The following FGFR2 variants were observed in gnomAD, a reference collection of about 807,000 sequenced individuals.
FGFR2 encodes the protein fibroblast growth factor receptor 2.
FGFR2 carries 19 observed loss-of-function variants against 95.9 expected under a neutral mutation model. The ratio of observed to expected loss-of-function variants is 0.20; its 90% CI spans 0.14 to 0.29. The LOEUF (loss-of-function observed/expected upper bound fraction) is 0.29. FGFR2 is among the 10% of genes least tolerant of loss of function. The pLI, the probability that FGFR2 is intolerant of heterozygous loss-of-function variation, is 1.00. For missense variants in FGFR2, 707 were observed against 1,056.9 expected (o/e 0.67, Z 4.59); for synonymous variants, 392 against 393.3 (o/e 1.00, Z 0.04).
In FGFR2 at chr10:121,565,461, C is replaced by A. The variant is rs139263005; in HGVS notation, c.353G>T (p.Trp118Leu). The A allele has an allele frequency of 1.9e-6, 3 of 1,614,068 alleles. No homozygotes were observed. The African/African-American group carries it at 4.0e-5, about 22-fold the overall frequency. ...ACCTGTGACATTCACCATGAAGTAC[C>A]AAGTTTCACTGTCTACAGTCCTACT... The part of the protein sequence containing the change: ...TASRTVDSET[W>L]YFMVNVTDAI... The change falls in exon 3 of 18, where the codon TGG (tryptophan) becomes TTG (leucine). Residue 118 changes from tryptophan (W) to leucine (L), a missense_variant. This residue lies in a region of FGFR2 where 178 missense variants were observed against 194.1 expected (regional missense o/e 0.92). Coordinates refer to ENST00000358487, the MANE Select transcript of FGFR2 (RefSeq NM_000141.5).
intron 2 of FGFR2, among the ~76,000 whole-genome samples, chr10:121,579,451 C>A (rs1015156628): frequency 6.6e-6 from 1 of 152,166 alleles, no homozygotes; most frequent in African/African-American, 2.4e-5. Context: ...ACAAATAGGT[C>A]TCATCACATA....
chr10:121,562,549 G>A (rs1450449221), intron 4 of FGFR2, among the ~76,000 whole-genome samples: 1 of 152,172 alleles, frequency 6.6e-6, no homozygotes, highest in Non-Finnish European at 1.5e-5. Flanking sequence ...GCCTCACAAA[G>A]TGCTAGGATT....
At chr10:121,521,549 A>G (rs981637019) in intron 6 of FGFR2, among the ~76,000 whole-genome samples, 1 of 147,442 alleles carries the variant, frequency 6.8e-6, no homozygotes, top group East Asian at 2.0e-4. Context: ...AAGTTTCTCA[A>G]TGTCACTAAT....
intron 2 of FGFR2, among the ~76,000 whole-genome samples, chr10:121,571,212 A>G (rs7905335): frequency 0.036 from 5,199 of 145,328 alleles, 202 homozygotes; most frequent in African/African-American, 0.1. Flanking sequence ...GGCCAGGATG[A>G]TCTTGATCTC....
chr10:121,571,597 G>A (rs555461972), intron 2 of FGFR2, among the ~76,000 whole-genome samples: 3 of 151,104 alleles, frequency 2.0e-5, no homozygotes, highest in Admixed American at 1.3e-4. Flanking sequence ...GGTAGCCACC[G>A]CACCTGGCCA....
chr10:121,529,855 G>A (rs570168822), intron 6 of FGFR2, among the ~76,000 whole-genome samples: 26 of 152,300 alleles, frequency 1.7e-4, no homozygotes, highest in African/African-American at 3.8e-4. Context: ...CTGCGTGAGC[G>A]TGCCACGTGC....
Position 121,496,649 on chromosome 10 carries a change from G to A in FGFR2, c.1746C>T (p.Pro582=), listed in dbSNP as rs369850306. 5.7e-5 allele frequency: 92 copies of A among 1,612,434 alleles called. 1 individual carries two copies. The highest frequency in any genetic ancestry group is 5.4e-4 in the South Asian group (49 of 90,978). ...TAATGTCATAGGAGTACTCCATCCC[G>A]GGTGGCCTCCGGGCTCGGAGGTATT... The part of the protein sequence containing the change: ...LREYLRARRP[P]GMEYSYDINR... The change falls in exon 13 of 18, where the codon CCC becomes CCT. Residue 582 remains proline, a synonymous_variant. Transcript: ENST00000358487.
At chr10:121,590,845 A>C (rs537671248) in intron 2 of FGFR2, among the ~76,000 whole-genome samples, 1 of 152,366 alleles carries the variant, frequency 6.6e-6, no homozygotes, top group South Asian at 2.1e-4. Context: ...CAAATAAATT[A>C]GCAAACCAAA....
Position 121,565,577 on chromosome 10 carries a change from C to T in FGFR2, c.237G>A (p.Leu79=). ...VISWTKDGVH[L]GPNNRTVLIG... Reference sequence around the variant, plus strand: ...TAAGCACTGTCCTATTGTTGGGCCCCAAGTGCACCCCATCCTTAGTCCAAC... The same window carrying T: ...TAAGCACTGTCCTATTGTTGGGCCCTAAGTGCACCCCATCCTTAGTCCAAC... Residue 79 remains leucine (L), a synonymous_variant, in exon 3 of 18, where the codon TTG becomes TTA. Transcript: ENST00000358487. The T allele has an allele frequency of 1.2e-6, 2 of 1,614,178 alleles. No individual in the cohort carries two copies. Among genetic ancestry groups the T allele is most frequent in the Non-Finnish European group, 1.7e-6 (2 of 1,180,038 alleles).
rs370273049 is a variant in FGFR2, at chr10:121,500,877, C to T, written c.1510G>A (p.Asp504Asn). Reference sequence around the variant, plus strand: ...ACCGCCTCCTTGGGCTTGTCTTTGTCAATTCCCACTGCTTCCGCCATGACC... The same window carrying T: ...ACCGCCTCCTTGGGCTTGTCTTTGTTAATTCCCACTGCTTCCGCCATGACC... Reference protein sequence around the residue: ...QVVMAEAVGIDKDKPKEAVTV... With the variant: ...QVVMAEAVGINKDKPKEAVTV... The change falls in exon 11 of 18, where the codon GAC becomes AAC. Residue 504 changes from aspartate to asparagine, a missense_variant. Physicochemically the swap from Asp to Asn is conservative, Grantham distance 23 (BLOSUM62 1). Around this residue, in one of 7 missense-constraint regions of FGFR2, gnomAD observed 194 missense variants for 267.3 expected, o/e 0.73. Coordinates refer to ENST00000358487, the MANE Select transcript of FGFR2 (RefSeq NM_000141.5). 16 of 1,614,232 alleles carry T rather than the reference C, an allele frequency of 9.9e-6. 1 individual carries two copies. In the South Asian group the frequency reaches 1.8e-4, roughly 18 times the overall value.
chr10:121,506,083 C>T (rs1049118216), intron 9 of FGFR2, among the ~76,000 whole-genome samples: 12 of 152,022 alleles, frequency 7.9e-5, no homozygotes, highest in African/African-American at 1.7e-4. Flanking sequence ...GCCGGCCAGG[C>T]GCGGTGGCTC....
chr10:121,489,320 C>T (rs550855795), intron 13 of FGFR2, among the ~76,000 whole-genome samples: 19 of 152,154 alleles, frequency 1.2e-4, no homozygotes, highest in South Asian at 1.2e-3. Flanking sequence ...GTGAGCCATC[C>T]GCCTCGGCCT....
At chr10:121,579,192 A>G (rs899221373) in intron 2 of FGFR2, among the ~76,000 whole-genome samples, 2 of 152,226 alleles carry the variant, frequency 1.3e-5, no homozygotes, top group Non-Finnish European at 2.9e-5. Context: ...ACAAGGACAC[A>G]ATCAAAGGCT....
chr10:121,504,376 C>T (rs1026724367), intron 9 of FGFR2, among the ~76,000 whole-genome samples: 7 of 152,240 alleles, frequency 4.6e-5, no homozygotes, highest in South Asian at 4.2e-4. Context: ...TGAAATTCTA[C>T]GAAAACTTTT....
intron 2 of FGFR2, among the ~76,000 whole-genome samples, chr10:121,569,845 G>A (rs2135187231): frequency 6.6e-6 from 1 of 152,340 alleles, no homozygotes; most frequent in Admixed American, 6.5e-5. Flanking sequence ...CCATTTTGGG[G>A]ATCAGCGGTG....
intron 5 of FGFR2, among the ~76,000 whole-genome samples, chr10:121,546,133 A>G (rs986384466): frequency 2.0e-5 from 3 of 150,978 alleles, no homozygotes; most frequent in Admixed American, 2.0e-4. Flanking sequence ...TTAAATTGCA[A>G]TAACTGTCCT....
intron 7 of FGFR2, among the ~76,000 whole-genome samples, chr10:121,519,699 A>G (rs1393441524): frequency 6.6e-6 from 1 of 152,240 alleles, no homozygotes; most frequent in Non-Finnish European, 1.5e-5. Flanking sequence ...AGCTAAGCCT[A>G]AATGTCTGCG....
chr10:121,575,090 T>C (rs1021675666), intron 2 of FGFR2, among the ~76,000 whole-genome samples: 19 of 152,350 alleles, frequency 1.2e-4, no homozygotes, highest in African/African-American at 3.8e-4. Context: ...GATGGGATCA[T>C]GGCTAATGTT....
At chr10:121,592,678 T>A (rs994914124) in intron 2 of FGFR2, among the ~76,000 whole-genome samples, 4 of 152,018 alleles carry the variant, frequency 2.6e-5, no homozygotes, top group African/African-American at 9.7e-5. Flanking sequence ...CCTACCCCAC[T>A]GGGTAAGTGT....
Sources: allele counts gnomAD v4.1 joint callset (sites outside exome capture counted in the v4.1 genomes callset), GRCh38; gene constraint gnomAD v4.1.1; regional missense constraint gnomAD v4.1.1; transcripts MANE v1.5; gene names NCBI Gene and HGNC (gene_info 2026-07-23, HGNC 2026-07-21).